The following MPHOSPH8 variants were observed in gnomAD, a reference collection of about 807,000 sequenced individuals.
The protein encoded by MPHOSPH8 is M-phase phosphoprotein 8, also known as M-phase phosphoprotein, mpp.
A neutral mutation model predicts 87.3 loss-of-function variants in MPHOSPH8; 45 were observed. The ratio of observed to expected loss-of-function variants is 0.52; its 90% CI spans 0.41 to 0.66. The LOEUF (loss-of-function observed/expected upper bound fraction) is 0.66, where lower values mean the gene tolerates loss of function less well. Ranked by LOEUF, MPHOSPH8 falls within the 30% of genes least tolerant of loss-of-function variation. MPHOSPH8 has a pLI of 0.00. For missense variants in MPHOSPH8, 883 were observed against 1,020.2 expected, an observed-to-expected ratio of 0.87 and a Z score of 1.83; for synonymous variants, 366 against 376.9, an observed-to-expected ratio of 0.97 and a Z score of 0.33.
chr13:19,652,579 A>G (rs1216654637), intron 5 of MPHOSPH8, among the ~76,000 whole-genome samples: 1 of 152,148 alleles, frequency 6.6e-6, no homozygotes, highest in African/African-American at 2.4e-5. Flanking sequence ...CCAGCGAGAC[A>G]AAACCGTTCA....
chr13:19,637,792 G>T (rs1874083377), intron 1 of MPHOSPH8, among the ~76,000 whole-genome samples: 1 of 151,932 alleles, frequency 6.6e-6, no homozygotes, highest in Non-Finnish European at 1.5e-5. Flanking sequence ...CTTTACAGAA[G>T]ACAGAAGCTC....
Position 19,671,951 on chromosome 13 carries a change from C to G in MPHOSPH8, c.*76C>G. 2 of 1,442,146 alleles carry G rather than the reference C, an allele frequency of 1.4e-6. No individual in the cohort carries two copies. Among genetic ancestry groups the G allele is most frequent in the South Asian group, 1.2e-5 (1 of 86,784 alleles). 89.3% of individuals were successfully genotyped at this position (1,442,146 alleles called of 1,614,324 possible). Reference sequence around the variant, plus strand: ...TCTTTGACAGCAGTTTGGAATTCTTCTAGCACATCTATGTAAAGTTTTGTC... The same window carrying G: ...TCTTTGACAGCAGTTTGGAATTCTTGTAGCACATCTATGTAAAGTTTTGTC... On this transcript the variant is annotated 3_prime_UTR_variant, in exon 14 of 14. Coordinates refer to ENST00000361479, the MANE Select transcript of MPHOSPH8 (RefSeq NM_017520.4).
chr13:19,650,356 A>G (rs979145847), intron 5 of MPHOSPH8, 96 bp downstream of exon 5: 2 of 1,371,600 alleles, frequency 1.5e-6, no homozygotes, highest in Non-Finnish European at 9.9e-7. Context: ...CGATCAAAAA[A>G]TAATGGAGTC....
At position 19,671,207 on chromosome 13, in the gene MPHOSPH8, A is replaced by T; in HGVS notation, c.2459A>T (p.Asp820Val). Reference sequence around the variant, plus strand: ...TTTTTTTTTCTCTTTCCATTGTAGGACAGTCATTTTGTTTACTCATTCAGC... The same window carrying T: ...TTTTTTTTTCTCTTTCCATTGTAGGTCAGTCATTTTGTTTACTCATTCAGC... ...NDKFQLPVFL[D>V]SHFVYSFSPV... Residue 820 changes from aspartate (D) to valine (V), a missense_variant and splice_region_variant, in exon 13 of 14, where the codon GAC becomes GTC. Coordinates refer to ENST00000361479, the MANE Select transcript of MPHOSPH8 (RefSeq NM_017520.4). The T allele has an allele frequency of 6.2e-7, 1 of 1,613,698 alleles. No individual in the cohort carries two copies. Among genetic ancestry groups the T allele is most frequent in the Admixed American group, 1.7e-5 (1 of 59,992 alleles).
chr13:19,669,873 G>GA (rs1451231135), intron 11 of MPHOSPH8, among the ~76,000 whole-genome samples: 3 of 152,140 alleles, frequency 2.0e-5, no homozygotes, highest in Non-Finnish European at 2.9e-5. Context: ...GAAGAAAATG[G>GA]AAAACCACTC....
intron 11 of MPHOSPH8, among the ~76,000 whole-genome samples, chr13:19,669,170 A>C (rs895294344): frequency 3.3e-5 from 5 of 152,138 alleles, no homozygotes; most frequent in Non-Finnish European, 7.4e-5. Flanking sequence ...CTTAGTGTTG[A>C]GAGAACTTAT....
chr13:19,667,458 C>G (rs1407599467), intron 10 of MPHOSPH8, among the ~76,000 whole-genome samples: 1 of 152,168 alleles, frequency 6.6e-6, no homozygotes, highest in South Asian at 2.1e-4. Context: ...ACATCCATCC[C>G]TCATCACAGT....
chr13:19,659,143 A>G (rs1249430400), intron 6 of MPHOSPH8, 23 bp downstream of exon 6: 1 of 1,612,014 alleles, frequency 6.2e-7, no homozygotes. Context: ...GGAAATATTG[A>G]AATCCCTTTC....
In MPHOSPH8 at chr13:19,666,581, T is replaced by TAA. The variant is rs1565943760; in HGVS notation, c.2174+3_2174+4dup. 2.5e-6 allele frequency: 4 copies of TAA among 1,573,870 alleles called. No individual in the cohort carries two copies. The highest frequency in any genetic ancestry group is 3.5e-6 in the Non-Finnish European group (4 of 1,148,668). ...CTTGCTGAAGAACCATTTAGAGACGTAAGTGAGAAGCGACTGTGCCATAGT... is the reference window on the plus strand; with the variant it reads ...CTTGCTGAAGAACCATTTAGAGACGTAAAAGTGAGAAGCGACTGTGCCATAGT... On this transcript the variant is annotated splice_region_variant and intron_variant, in intron 10 of 13. Transcript: ENST00000361479.
chr13:19,640,851 CTT>C (rs779117022), intron 1 of MPHOSPH8, among the ~76,000 whole-genome samples: 2 of 152,076 alleles, frequency 1.3e-5, no homozygotes, highest in Admixed American at 6.5e-5. Context: ...ATGGAATAAT[CTT>C]AAGTCACTAA....
chr13:19,657,077 G>C (rs1218222386), intron 5 of MPHOSPH8, among the ~76,000 whole-genome samples: 2 of 128,584 alleles, frequency 1.6e-5, no homozygotes, highest in Non-Finnish European at 3.1e-5. Context: ...AGCTGAGATA[G>C]TGCCACTGCA....
In MPHOSPH8 at chr13:19,673,100, T is replaced by A. The variant is rs201461884; in HGVS notation, c.*1225T>A. The A allele has an allele frequency of 3.7e-5, 1 of 26,750 alleles. No individual in the cohort carries two copies. The highest frequency in any genetic ancestry group is 9.7e-5 in the Non-Finnish European group (1 of 10,278). 1.7% of individuals were successfully genotyped at this position (26,750 alleles called of 1,614,324 possible). A position where few individuals can be genotyped will look rare whatever the true frequency, so the allele number is the denominator to read the frequency against. On this transcript the variant is annotated 3_prime_UTR_variant, in exon 14 of 14. Transcript: ENST00000361479. ...TGGAACCTATACGGTTTTTTTTTGT[T>A]TTTTTTTTTTGAAAAGCCAGACCTT...
chr13:19,647,757 A>G (rs1159856933), intron 3 of MPHOSPH8, among the ~76,000 whole-genome samples: 2 of 152,200 alleles, frequency 1.3e-5, no homozygotes, highest in African/African-American at 4.8e-5. Flanking sequence ...TGGCTTTGCA[A>G]AATGGATATA....
intron 9 of MPHOSPH8, among the ~76,000 whole-genome samples, chr13:19,663,431 C>A (rs768702360): frequency 3.9e-5 from 6 of 152,184 alleles, no homozygotes; most frequent in African/African-American, 1.4e-4. Context: ...CACACTGTGT[C>A]CTAAATGGCA....
intron 12 of MPHOSPH8, chr13:19,670,986 AT>A (rs1350087364): frequency 8.6e-7 from 1 of 1,158,558 alleles, no homozygotes; most frequent in Non-Finnish European, 1.2e-6. Flanking sequence ...CATCCGGCTA[AT>A]TTTTTGTATT....
chr13:19,640,639 G>C (rs972450452), intron 1 of MPHOSPH8, among the ~76,000 whole-genome samples: 55 of 151,858 alleles, frequency 3.6e-4, no homozygotes, highest in African/African-American at 1.3e-3. Context: ...TCAAGTATCT[G>C]GGACTCTAGG....
intron 7 of MPHOSPH8, 52 bp downstream of exon 7, chr13:19,659,341 A>C: frequency 7.3e-7 from 1 of 1,370,310 alleles, no homozygotes; most frequent in East Asian, 2.3e-5. Context: ...GTAACACTTG[A>C]AAGAATTCAG....
intron 9 of MPHOSPH8, among the ~76,000 whole-genome samples, chr13:19,665,497 G>A (rs1263408204): frequency 2.7e-5 from 4 of 148,726 alleles, no homozygotes; most frequent in South Asian, 2.1e-4. Context: ...GCTCTGTCCC[G>A]AGCCTGTCCT....
intron 1 of MPHOSPH8, among the ~76,000 whole-genome samples, chr13:19,635,034 T>C (rs1873918467): frequency 6.6e-6 from 1 of 152,272 alleles, no homozygotes; most frequent in Non-Finnish European, 1.5e-5. Context: ...GTGGAAACTT[T>C]TCCTATGAGG....
Sources: gnomAD v4.1 joint callset for allele counts (sites outside exome capture counted in the v4.1 genomes callset) on GRCh38, gnomAD v4.1.1 for gene constraint, MANE v1.5 for transcripts, NCBI Gene and HGNC (gene_info 2026-07-23, HGNC 2026-07-21) for gene names.